LRBA: variants seen among roughly 807,000 people sequenced by gnomAD.
LRBA encodes LPS responsive beige-like anchor protein, also known as lipopolysaccharide-responsive and beige-like anchor protein.
Under a neutral mutation model 330.0 loss-of-function variants are expected in LRBA, and 176 were observed. The observed-to-expected ratio is 0.53, with a 90% CI of 0.47 to 0.60. LRBA has a LOEUF of 0.60. Among genes scored for constraint, LRBA ranks in the 20% least tolerant of loss-of-function variants. LRBA has a pLI of 0.00. For synonymous variants in LRBA, 1,230 were observed against 1,193.0 expected (o/e 1.03, Z -0.64); for missense variants, 3,259 against 3,444.8 (o/e 0.95, Z 1.35).
intron 56 of LRBA, among the ~76,000 whole-genome samples, chr4:150,271,156 G>A (rs1746036230): frequency 6.6e-6 from 1 of 152,188 alleles, no homozygotes; most frequent in Non-Finnish European, 1.5e-5. Context: ...ACTGTGCCAT[G>A]AGGAATGGTG....
intron 37 of LRBA, among the ~76,000 whole-genome samples, chr4:150,625,559 C>T (rs1776762427): frequency 6.6e-6 from 1 of 151,942 alleles, no homozygotes; most frequent in African/African-American, 2.4e-5. Flanking sequence ...TTGGGTTTCA[C>T]AGAAAGAGAT....
intron 19 of LRBA, among the ~76,000 whole-genome samples, chr4:150,871,107 G>A (rs1439825911): frequency 3.3e-5 from 5 of 152,148 alleles, no homozygotes; most frequent in African/African-American, 1.2e-4. Context: ...GCCGGGTTAG[G>A]TGGTGTGCAC....
At chr4:150,610,661 G>T (rs1362641658) in intron 37 of LRBA, among the ~76,000 whole-genome samples, 1 of 152,106 alleles carries the variant, frequency 6.6e-6, no homozygotes, top group East Asian at 1.9e-4. Flanking sequence ...ATTTAGGACT[G>T]ATTTGGTTGG....
chr4:150,566,915 T>C (rs1769204473), intron 40 of LRBA, among the ~76,000 whole-genome samples: 1 of 152,142 alleles, frequency 6.6e-6, no homozygotes. Flanking sequence ...AACTGCTTCC[T>C]CTTTGATAAC....
intron 37 of LRBA, among the ~76,000 whole-genome samples, chr4:150,620,151 T>TA (rs542678879): frequency 2.2e-3 from 331 of 151,892 alleles, no homozygotes; most frequent in Middle Eastern, 0.014. Context: ...AGTGTATTTT[T>TA]AAAAAAAACA....
intron 53 of LRBA, among the ~76,000 whole-genome samples, chr4:150,286,697 G>GA (rs1748166171): frequency 6.6e-6 from 1 of 152,184 alleles, no homozygotes; most frequent in Non-Finnish European, 1.5e-5. Context: ...GGTGGGTAGA[G>GA]AAGGGGGGAC....
chr4:150,583,038 C>G lies in LRBA; in HGVS notation c.6330+5010G>C. 6.3e-7 allele frequency: 1 copy of G among 1,593,222 alleles called. No homozygotes were observed. The highest frequency in any genetic ancestry group is 8.6e-7 in the Non-Finnish European group (1 of 1,168,012). On this transcript the variant is annotated intron_variant, in intron 40 of 56. Transcript: ENST00000651943. This position sits in a 1 kb window ranked among gnomAD's most constrained non-coding sequence, Gnocchi z 9.8. ...CGGACCTGTGCCCCAACATGATCGC[C>G]GCTCAGGCCAAGCTGGTTTACCAGC...
intron 2 of LRBA, among the ~76,000 whole-genome samples, chr4:151,010,809 G>A (rs919739479): frequency 4.6e-5 from 7 of 150,830 alleles, no homozygotes; most frequent in African/African-American, 1.5e-4. Flanking sequence ...GCTTGAATCC[G>A]AGCAGCAGAG....
At chr4:150,954,747 C>T (rs1348119134) in intron 2 of LRBA, among the ~76,000 whole-genome samples, 3 of 140,426 alleles carry the variant, frequency 2.1e-5, no homozygotes, top group Non-Finnish European at 4.5e-5. Context: ...CTGAGAAACA[C>T]CCAAGAATGA....
intron 35 of LRBA, among the ~76,000 whole-genome samples, chr4:150,760,369 C>A (rs1337504398): frequency 1.3e-5 from 2 of 152,072 alleles, no homozygotes. Flanking sequence ...TCATATAGAT[C>A]ACTGTAGTAA....
At chr4:150,461,193 A>G (rs898832937) in intron 44 of LRBA, among the ~76,000 whole-genome samples, 3 of 151,830 alleles carry the variant, frequency 2.0e-5, no homozygotes, top group African/African-American at 4.8e-5. Flanking sequence ...TAGGTACTTC[A>G]GCATGAGAAG....
chr4:150,660,448 C>G (rs1780901063), intron 37 of LRBA, among the ~76,000 whole-genome samples: 1 of 150,302 alleles, frequency 6.7e-6, no homozygotes, highest in African/African-American at 2.4e-5. Context: ...AGCCCCTCTG[C>G]CCGGCCAGCC....
intron 42 of LRBA, among the ~76,000 whole-genome samples, 193 bp from the exon 43 acceptor site, chr4:150,471,932 A>G (rs895592037): frequency 2.6e-5 from 4 of 152,126 alleles, no homozygotes; most frequent in African/African-American, 9.6e-5. Context: ...CAGAGGTATT[A>G]TACATGTTGT....
intron 35 of LRBA, among the ~76,000 whole-genome samples, chr4:150,750,206 C>T (rs1291313914): frequency 1.3e-5 from 2 of 152,136 alleles, no homozygotes; most frequent in Non-Finnish European, 2.9e-5. Flanking sequence ...TCTAAATTGT[C>T]TTATTTTGAT....
chr4:150,564,916 C>T (rs1354498162), intron 40 of LRBA, among the ~76,000 whole-genome samples: 2 of 152,230 alleles, frequency 1.3e-5, no homozygotes. Flanking sequence ...AAAAAGAATG[C>T]TTTTACATCG....
intron 34 of LRBA, among the ~76,000 whole-genome samples, chr4:150,763,390 T>C (rs1459042589): frequency 1.3e-5 from 2 of 152,002 alleles, no homozygotes; most frequent in East Asian, 1.9e-4. Context: ...TGACTTGTAA[T>C]TGTACAATAT....
chr4:150,837,245 G>A lies in LRBA; in HGVS notation c.4570-5269C>T, dbSNP rs563825169. Among the ~76,000 whole-genome samples the A allele has an allele frequency of 2.1e-3, 322 of 152,322 alleles. 3 individuals are homozygous for A. The highest frequency in any genetic ancestry group is 7.4e-3 in the African/African-American group (307 of 41,578). Reference sequence around the variant, plus strand: ...TGGTCAATTTTGGAATAAGTGCGACGTGGTGCTGAGAAGAATGATTATTCT... The same window carrying A: ...TGGTCAATTTTGGAATAAGTGCGACATGGTGCTGAGAAGAATGATTATTCT... On this transcript the variant is annotated intron_variant, in intron 28 of 56. Transcript: ENST00000651943.
chr4:150,978,606 T>A (rs966932931), intron 2 of LRBA, among the ~76,000 whole-genome samples: 1 of 152,120 alleles, frequency 6.6e-6, no homozygotes, highest in African/African-American at 2.4e-5. Context: ...AAATAGCTAT[T>A]TTGAGGAAAC....
At chr4:150,634,327 A>G (rs1298218928) in intron 37 of LRBA, among the ~76,000 whole-genome samples, 1 of 152,212 alleles carries the variant, frequency 6.6e-6, no homozygotes, top group Non-Finnish European at 1.5e-5. Context: ...CCTTCTGGAT[A>G]ATGAAATCTA....
Sources: allele counts gnomAD v4.1 joint callset (sites outside exome capture counted in the v4.1 genomes callset), GRCh38; gene constraint gnomAD v4.1.1; non-coding constraint Gnocchi (gnomAD v3.1); transcripts MANE v1.5; gene names NCBI Gene and HGNC (gene_info 2026-07-23, HGNC 2026-07-21).